Variants in ALG10B observed in about 807,000 individuals in gnomAD.
ALG10B encodes ALG10 alpha-1,2-glucosyltransferase B, also known as dol-P-Glc:Glc(2)Man(9)GlcNAc(2)-PP-Dol alpha-1,2-glucosyltransferase B.
Under a neutral mutation model 38.7 loss-of-function variants are expected in ALG10B, and 27 were observed. That is an observed-to-expected ratio of 0.70 (90% CI 0.51 to 0.96). The LOEUF (loss-of-function observed/expected upper bound fraction) is 0.96. ALG10B is among the 40% of genes least tolerant of loss of function. The pLI is 0.00. For synonymous variants in ALG10B, 177 were observed against 193.3 expected (o/e 0.92, Z 0.70); for missense variants, 522 against 542.7 (o/e 0.96, Z 0.38).
At chr12:38,317,255 A>C in intron 1 of ALG10B, 191 bp downstream of exon 1, 9 of 833,164 alleles carry the variant, frequency 1.1e-5, no homozygotes, top group Non-Finnish European at 1.6e-5. Flanking sequence ...TGAATGAATA[A>C]ACAGCAGATC....
intron 2 of ALG10B, among the ~76,000 whole-genome samples, chr12:38,319,719 T>C (rs1371482429): frequency 1.3e-5 from 2 of 152,190 alleles, no homozygotes; most frequent in African/African-American, 4.8e-5. Context: ...TTCTCCCTTG[T>C]GTAGTGTTAT....
Position 38,321,581 on chromosome 12 carries a change from G to A in ALG10B, c.*368G>A, listed in dbSNP as rs1945705459. 6.4e-6 allele frequency: 1 copy of A among 156,284 alleles called. No homozygotes were observed. The highest frequency in any genetic ancestry group is 6.5e-5 in the Admixed American group (1 of 15,456). The allele number at this position is 156,284 out of a possible 1,614,324, so 9.7% of individuals were successfully genotyped here. A position where few individuals can be genotyped will look rare whatever the true frequency, so the allele number is the denominator to read the frequency against. ...TATTCTCTTCAGAGAGAACTATTAG[G>A]TTAGTGCAAAAGTAATTGTGGTTTT... is the stretch of plus-strand genomic sequence containing the variant. On this transcript the variant is annotated 3_prime_UTR_variant, in exon 3 of 3. Coordinates refer to ENST00000308742, the MANE Select transcript of ALG10B (RefSeq NM_001013620.4).
Position 38,320,785 on chromosome 12 carries a change from G to A in ALG10B, c.994G>A (p.Val332Ile), listed in dbSNP as rs1382026781. Residue 332 changes from valine to isoleucine, a missense_variant, in exon 3 of 3, where the codon GTC becomes ATC. Physicochemically the swap from Val to Ile is conservative, Grantham distance 29. Transcript: ENST00000308742. ...HGILFLVVTL[V>I]SVFLVWKFTY... Reference sequence around the variant, plus strand: ...AATTCTGTTTTTGGTGGTTACCTTAGTCTCTGTGTTTTTAGTTTGGAAATT... The same window carrying A: ...AATTCTGTTTTTGGTGGTTACCTTAATCTCTGTGTTTTTAGTTTGGAAATT... The A allele has an allele frequency of 1.4e-5, 22 of 1,613,632 alleles. No homozygotes were observed. The highest frequency in any genetic ancestry group is 1.9e-5 in the Non-Finnish European group (22 of 1,179,874).
rs1035142910 is a variant in ALG10B, at chr12:38,326,805, T to C, written c.*5592T>C. On this transcript the variant is annotated 3_prime_UTR_variant, in exon 3 of 3. Transcript: ENST00000308742. ...ATAATAAAAATAGAGATTGAGGACA[T>C]ATTTTTAACATATATCCATGAGTCA... 3 of 151,716 alleles carry C rather than the reference T, an allele frequency of 2.0e-5. No homozygotes were observed. The highest frequency in any genetic ancestry group is 7.2e-5 in the African/African-American group (3 of 41,404). 9.4% of individuals were successfully genotyped at this position (151,716 alleles called of 1,614,324 possible). A position where few individuals can be genotyped will look rare whatever the true frequency, so the allele number is the denominator to read the frequency against.
chr12:38,316,940 C>T lies in ALG10B; in HGVS notation c.47C>T (p.Thr16Ile), dbSNP rs752360964. The T allele has an allele frequency of 1.2e-6, 2 of 1,614,062 alleles. No homozygotes were observed. Among genetic ancestry groups the T allele is most frequent in the African/African-American group, 2.7e-5 (2 of 74,920 alleles). The stretch of plus-strand genomic sequence containing the variant: ...TGTTTCTCGGCCGCCTTGAGCTGTA[C>T]CTTTTTAGTGTCCTGCCTCCTCTTC... ...GYCFSAALSC[T>I]FLVSCLLFSA... is the part of the protein sequence containing the mutation. The change falls in exon 1 of 3, where the codon ACC becomes ATC. Residue 16 changes from threonine (T) to isoleucine (I), a missense_variant. Thr to Ile is a moderately conservative substitution (Grantham distance 89). Coordinates refer to ENST00000308742, the MANE Select transcript of ALG10B (RefSeq NM_001013620.4).
In ALG10B at chr12:38,325,477, T is replaced by G. The variant is rs1945736624; in HGVS notation, c.*4264T>G. 1 of 152,210 alleles carries G rather than the reference T, an allele frequency of 6.6e-6. No homozygotes were observed. The highest frequency in any genetic ancestry group is 2.4e-5 in the African/African-American group (1 of 41,458). The allele number at this position is 152,210 out of a possible 1,614,324, so 9.4% of individuals were successfully genotyped here. Reference sequence around the variant, plus strand: ...ATACCACCTAAATAGTGGACTGTTATTTTGGACTCACTTTTAAATAAAATA... The same window carrying G: ...ATACCACCTAAATAGTGGACTGTTAGTTTGGACTCACTTTTAAATAAAATA... On this transcript the variant is annotated 3_prime_UTR_variant, in exon 3 of 3. Coordinates refer to ENST00000308742, the MANE Select transcript of ALG10B (RefSeq NM_001013620.4).
Position 38,325,687 on chromosome 12 carries a change from T to C in ALG10B, c.*4474T>C, listed in dbSNP as rs1426172707. 1.3e-5 allele frequency: 2 copies of C among 152,144 alleles called. No homozygotes were observed. Among genetic ancestry groups the C allele is most frequent in the Non-Finnish European group, 2.9e-5 (2 of 68,008 alleles). 9.4% of individuals were successfully genotyped at this position (152,144 alleles called of 1,614,324 possible). A position where few individuals can be genotyped will look rare whatever the true frequency, so the allele number is the denominator to read the frequency against. ...GGCTTGTAGAAAAAAACATTTAACA[T>C]GGGAGTTAAGATTTTTATATTTGGT... On this transcript the variant is annotated 3_prime_UTR_variant, in exon 3 of 3. Transcript: ENST00000308742.
rs562512926 is a variant in ALG10B, at chr12:38,320,880, T to A, written c.1089T>A (p.Phe363Leu). 6.2e-7 allele frequency: 1 copy of A among 1,613,688 alleles called. No individual in the cohort carries two copies. The highest frequency in any genetic ancestry group is 2.2e-5 in the East Asian group (1 of 44,856). The change falls in exon 3 of 3, where the codon TTT (phenylalanine) becomes TTA (leucine). Residue 363 changes from phenylalanine (F) to leucine (L), a missense_variant. Coordinates refer to ENST00000308742, the MANE Select transcript of ALG10B (RefSeq NM_001013620.4). Reference protein sequence around the residue: ...HYTFYVWKRVFQRYAILKYLL... With the variant: ...HYTFYVWKRVLQRYAILKYLL... The stretch of plus-strand genomic sequence containing the variant: ...CTTTCTATGTGTGGAAAAGAGTTTT[T>A]CAAAGATATGCAATTCTGAAATATT...
In ALG10B at chr12:38,318,319, A is replaced by C. The variant is rs755173877; in HGVS notation, c.230A>C (p.Lys77Thr). Residue 77 changes from lysine to threonine, a missense_variant, in exon 2 of 3, where the codon AAA (lysine) becomes ACA (threonine). By Grantham distance (78) the Lys-to-Thr change is moderately conservative. Transcript: ENST00000308742. ...GLYLVSVGVV[K>T]PAIWIFAWSE... ...TACCTGGTGTCAGTTGGAGTGGTCA[A>C]ACCTGCCATTTGGATCTTTGCATGG... The C allele has an allele frequency of 5.0e-6, 8 of 1,614,072 alleles. No individual in the cohort carries two copies. In the Admixed American group the frequency reaches 5.0e-5, roughly 10 times the overall value.
In ALG10B at chr12:38,320,708, T is replaced by G; in HGVS notation, c.917T>G (p.Leu306Arg). 6.2e-7 allele frequency: 1 copy of G among 1,614,036 alleles called. No individual in the cohort carries two copies. Among genetic ancestry groups the G allele is most frequent in the Non-Finnish European group, 8.5e-7 (1 of 1,179,948 alleles). The change falls in exon 3 of 3, where the codon CTC (leucine) becomes CGC (arginine). Residue 306 changes from leucine to arginine, a missense_variant. By Grantham distance (102) the Leu-to-Arg change is moderately radical (BLOSUM62 -2). Transcript: ENST00000308742. ...ACTCTCTTTTTTTCTTTTCCTCATC[T>G]CCTGTCTCCTAGCAAAATTAAGACT... is the stretch of plus-strand genomic sequence containing the variant. ...SFTLFFSFPHLLSPSKIKTFL... is the reference protein window; with the variant it reads ...SFTLFFSFPHRLSPSKIKTFL...
At position 38,320,818 on chromosome 12, in the gene ALG10B, G is replaced by A; in HGVS notation, c.1027G>A (p.Ala343Thr). Residue 343 changes from alanine (A) to threonine (T), a missense_variant, in exon 3 of 3, where the codon GCT becomes ACT. Transcript: ENST00000308742. ...GTTTTTAGTTTGGAAATTCACTTAT[G>A]CTCATAAATACTTGCTAGCAGACAA... Reference protein sequence around the residue: ...SVFLVWKFTYAHKYLLADNRH... With the variant: ...SVFLVWKFTYTHKYLLADNRH... The A allele has an allele frequency of 1.2e-6, 2 of 1,613,738 alleles. No homozygotes were observed. Among genetic ancestry groups the A allele is most frequent in the East Asian group, 2.2e-5 (1 of 44,836 alleles).
chr12:38,316,735 C>T (rs2120475033), upstream of ALG10B: 2 of 1,257,378 alleles, frequency 1.6e-6, no homozygotes, highest in African/African-American at 1.5e-5. Flanking sequence ...CGCTGTTTTC[C>T]GGATCCGCGC....
Position 38,327,299 on chromosome 12 carries a change from AACTT to A in ALG10B, c.*6088_*6091del, listed in dbSNP as rs1168618126. On this transcript the variant is annotated 3_prime_UTR_variant, in exon 3 of 3. Coordinates refer to ENST00000308742, the MANE Select transcript of ALG10B (RefSeq NM_001013620.4). The stretch of plus-strand genomic sequence containing the variant: ...TAAATGTATTGGTTTTTCACAGTGA[AACTT>A]AATTCAGTTTAGTTGAACCATATAT... 4 of 152,076 alleles carry A rather than the reference AACTT, an allele frequency of 2.6e-5. No individual in the cohort carries two copies. Among genetic ancestry groups the A allele is most frequent in the Non-Finnish European group, 5.9e-5 (4 of 68,028 alleles). The allele number at this position is 152,076 out of a possible 1,614,324, so 9.4% of individuals were successfully genotyped here.
At chr12:38,316,706 A>C (rs1018330450), upstream of ALG10B, 12 of 892,156 alleles carry the variant, frequency 1.3e-5, no homozygotes, top group African/African-American at 1.8e-4. Flanking sequence ...TAAACCCGTC[A>C]CTCCAGGAAA....
In ALG10B at chr12:38,321,586, T is replaced by C. The variant is rs1409723889; in HGVS notation, c.*373T>C. On this transcript the variant is annotated 3_prime_UTR_variant, in exon 3 of 3. Transcript: ENST00000308742. Reference sequence around the variant, plus strand: ...TCTTCAGAGAGAACTATTAGGTTAGTGCAAAAGTAATTGTGGTTTTTGCCA... The same window carrying C: ...TCTTCAGAGAGAACTATTAGGTTAGCGCAAAAGTAATTGTGGTTTTTGCCA... 5 of 155,342 alleles carry C rather than the reference T, an allele frequency of 3.2e-5. No homozygotes were observed. Among genetic ancestry groups the C allele is most frequent in the African/African-American group, 9.6e-5 (4 of 41,554 alleles). 9.6% of individuals were successfully genotyped at this position (155,342 alleles called of 1,614,324 possible). A position where few individuals can be genotyped will look rare whatever the true frequency, so the allele number is the denominator to read the frequency against.
At position 38,322,848 on chromosome 12, in the gene ALG10B, G is replaced by A. The variant is rs1039600784; in HGVS notation, c.*1635G>A. On this transcript the variant is annotated 3_prime_UTR_variant, in exon 3 of 3. Coordinates refer to ENST00000308742, the MANE Select transcript of ALG10B (RefSeq NM_001013620.4). ...ATTGTTTTAGATTACACAAATAAGTGAGATCATGTGGTATTTGTCTTTCTG... is the reference window on the plus strand; with the variant it reads ...ATTGTTTTAGATTACACAAATAAGTAAGATCATGTGGTATTTGTCTTTCTG... 2 of 152,102 alleles carry A rather than the reference G, an allele frequency of 1.3e-5. No individual in the cohort carries two copies. Among genetic ancestry groups the A allele is most frequent in the Non-Finnish European group, 2.9e-5 (2 of 68,014 alleles). 9.4% of individuals were successfully genotyped at this position (152,102 alleles called of 1,614,324 possible). A position where few individuals can be genotyped will look rare whatever the true frequency, so the allele number is the denominator to read the frequency against.
chr12:38,320,112 T>G (rs1945687762), intron 2 of ALG10B, 49 bp from the exon 3 acceptor site: 2 of 1,606,704 alleles, frequency 1.2e-6, no homozygotes, highest in South Asian at 2.2e-5. Flanking sequence ...TAAGCAGAAA[T>G]AGCATTTATC....
chr12:38,324,513 A>G lies in ALG10B; in HGVS notation c.*3300A>G, dbSNP rs1945727936. 6.6e-6 allele frequency: 1 copy of G among 152,246 alleles called. No homozygotes were observed. The highest frequency in any genetic ancestry group is 1.5e-5 in the Non-Finnish European group (1 of 68,046). 9.4% of individuals were successfully genotyped at this position (152,246 alleles called of 1,614,324 possible). The stretch of plus-strand genomic sequence containing the variant: ...AAGGTGCTATTTTCAACTATTTATT[A>G]TTTTAAAACAGGAATGCTTATCAAT... On this transcript the variant is annotated 3_prime_UTR_variant, in exon 3 of 3. Coordinates refer to ENST00000308742, the MANE Select transcript of ALG10B (RefSeq NM_001013620.4).
At position 38,321,090 on chromosome 12, in the gene ALG10B, C is replaced by T. The variant is rs555931622; in HGVS notation, c.1299C>T (p.Pro433=). 23 of 1,613,826 alleles carry T rather than the reference C, an allele frequency of 1.4e-5. 1 individual carries two copies. In the South Asian group the frequency reaches 2.5e-4, roughly 18 times the overall value. Residue 433 remains proline (P), a synonymous_variant, in exon 3 of 3, where the codon CCC becomes CCT. Transcript: ENST00000308742. Reference sequence around the variant, plus strand: ...ATAGGCTTAACATAACTCTGCCTCCCACATCCAGACTTGTTTGTGAACTGA... The same window carrying T: ...ATAGGCTTAACATAACTCTGCCTCCTACATCCAGACTTGTTTGTGAACTGA... The part of the protein sequence containing the change: ...VIYRLNITLP[P]TSRLVCELSC...
Sources: allele counts gnomAD v4.1 joint callset (sites outside exome capture counted in the v4.1 genomes callset), GRCh38; gene constraint gnomAD v4.1.1; transcripts MANE v1.5; gene names NCBI Gene and HGNC (gene_info 2026-07-23, HGNC 2026-07-21).